Variants in LAMB3 observed in about 807,000 individuals in gnomAD.
The protein encoded by LAMB3 is laminin subunit beta 3, also known as laminin subunit beta-3.
In LAMB3, 104 loss-of-function variants were observed where a neutral mutation model predicts 140.3. The ratio of observed to expected loss-of-function variants is 0.74; its 90% CI spans 0.63 to 0.87. The LOEUF (loss-of-function observed/expected upper bound fraction) is 0.87, where lower values mean the gene tolerates loss of function less well. LAMB3 is among the 40% of genes least tolerant of loss of function. The pLI is 0.00. For synonymous variants in LAMB3, 592 were observed against 602.9 expected (o/e 0.98, Z 0.26); for missense variants, 1,531 against 1,575.2 (o/e 0.97, Z 0.47).
At chr1:209,646,916 T>C (rs76575061) in intron 3 of LAMB3, among the ~76,000 whole-genome samples, 1 of 152,212 alleles carries the variant, frequency 6.6e-6, no homozygotes, top group African/African-American at 2.4e-5. Flanking sequence ...GACATTTTCA[T>C]CCATGCCTTG....
intron 10 of LAMB3, among the ~76,000 whole-genome samples, chr1:209,628,703 AAGAG>A (rs35325918): frequency 5.5e-5 from 8 of 146,338 alleles, no homozygotes; most frequent in Non-Finnish European, 9.0e-5. Flanking sequence ...TCCATTAAAA[AAGAG>A]AGAGAGAGAG....
intron 17 of LAMB3, 28 bp from the exon 18 acceptor site, chr1:209,622,708 G>A (rs778641606): frequency 4.3e-6 from 7 of 1,613,946 alleles, no homozygotes; most frequent in Non-Finnish European, 5.9e-6. Flanking sequence ...AGGTCAGAAG[G>A]GGTAAGGCCC....
At chr1:209,648,576 AG>A (rs1330527243) in intron 3 of LAMB3, among the ~76,000 whole-genome samples, 1 of 152,230 alleles carries the variant, frequency 6.6e-6, no homozygotes, top group Non-Finnish European at 1.5e-5. Context: ...GGAGCAGAGA[AG>A]ACAGCTGGCT....
intron 3 of LAMB3, among the ~76,000 whole-genome samples, chr1:209,643,058 G>C (rs1297218313): frequency 2.6e-5 from 4 of 152,208 alleles, no homozygotes; most frequent in Non-Finnish European, 2.9e-5. Flanking sequence ...CTCAGAGACA[G>C]GCTAAGCCAA....
chr1:209,640,937 A>C (rs2076463136), intron 3 of LAMB3, among the ~76,000 whole-genome samples: 1 of 151,250 alleles, frequency 6.6e-6, no homozygotes, highest in South Asian at 2.1e-4. Context: ...AAAAAAATTA[A>C]CTGGGCATGG....
chr1:209,616,317 C>T (rs1665960072), intron 22 of LAMB3, among the ~76,000 whole-genome samples, 154 bp downstream of exon 22: 1 of 152,186 alleles, frequency 6.6e-6, no homozygotes, highest in Non-Finnish European at 1.5e-5. Context: ...CATTCCCCAG[C>T]CTCATACATG....
intron 5 of LAMB3, 76 bp downstream of exon 5, chr1:209,637,832 T>C (rs1666941243): frequency 1.7e-6 from 2 of 1,159,276 alleles, no homozygotes; most frequent in Non-Finnish European, 2.5e-6. Flanking sequence ...ACAAGGACAC[T>C]GTGCTCCTCC....
intron 21 of LAMB3, 87 bp downstream of exon 21, chr1:209,617,323 T>C (rs773578520): frequency 4.6e-5 from 64 of 1,398,670 alleles, no homozygotes; most frequent in Non-Finnish European, 5.9e-5. Context: ...TTTGAGTTTG[T>C]GGTCTTATAA....
Position 209,616,354 on chromosome 1 carries a change from G to T in LAMB3, c.3382+117C>A. The stretch of plus-strand genomic sequence containing the variant: ...TAGATGCCCAGAAAAAATCTCATTT[G>T]ATCTCACTCCCATAGCACGGCTAGC... On this transcript the variant is annotated intron_variant, in intron 22 of 22. Coordinates refer to ENST00000356082, the MANE Select transcript of LAMB3 (RefSeq NM_000228.3). 4 of 1,184,476 alleles carry T rather than the reference G, an allele frequency of 3.4e-6. No homozygotes were observed. In the South Asian group the frequency reaches 3.7e-5, roughly 11 times the overall value. 73.4% of individuals were successfully genotyped at this position (1,184,476 alleles called of 1,614,324 possible). A position where few individuals can be genotyped will look rare whatever the true frequency, so the allele number is the denominator to read the frequency against.
At chr1:209,642,112 G>A (rs776458997) in intron 3 of LAMB3, among the ~76,000 whole-genome samples, 4 of 152,082 alleles carry the variant, frequency 2.6e-5, no homozygotes, top group Non-Finnish European at 4.4e-5. Context: ...CCAAACGACA[G>A]GATATTATGT....
intron 3 of LAMB3, among the ~76,000 whole-genome samples, chr1:209,649,372 T>C (rs1045373838): frequency 1.3e-5 from 2 of 152,166 alleles, no homozygotes; most frequent in African/African-American, 4.8e-5. Flanking sequence ...CCAAAGTTCC[T>C]ATAAAAAAAG....
intron 18 of LAMB3, 66 bp from the exon 19 acceptor site, chr1:209,618,725 T>A (rs1013566687): frequency 3.4e-6 from 5 of 1,485,114 alleles, no homozygotes; most frequent in Non-Finnish European, 4.6e-6. Flanking sequence ...AGGCCTCTCC[T>A]AGCTGAGCAG....
At chr1:209,651,003 T>G in intron 1 of LAMB3, 22 bp from the exon 2 acceptor site, 1 of 1,519,704 alleles carries the variant, frequency 6.6e-7, no homozygotes, top group Non-Finnish European at 9.1e-7. Flanking sequence ...CAAAGCAAAC[T>G]GGGTACAACA....
chr1:209,650,011 T>C lies in LAMB3; in HGVS notation c.136A>G (p.Thr46Ala). Reference sequence around the variant, plus strand: ...GTCTCAGGCTTGGTCAGTCCACAGGTAGATGAAGCTCGGAGAAACCGGGTC... The same window carrying C: ...GTCTCAGGCTTGGTCAGTCCACAGGCAGATGAAGCTCGGAGAAACCGGGTC... ...GRTRFLRASS[T>A]CGLTKPETYC... The change falls in exon 3 of 23, where the codon ACC becomes GCC. Residue 46 changes from threonine (T) to alanine (A), a missense_variant. Transcript: ENST00000356082. 2.5e-6 allele frequency: 4 copies of C among 1,614,088 alleles called. No homozygotes were observed. Among genetic ancestry groups the C allele is most frequent in the Non-Finnish European group, 3.4e-6 (4 of 1,180,006 alleles).
rs1223614153 is a variant in LAMB3 at position 209,638,528 on chromosome 1, G to C, written c.298+6C>G. 1.9e-6 allele frequency: 3 copies of C among 1,571,270 alleles called. No homozygotes were observed. The highest frequency in any genetic ancestry group is 2.6e-6 in the Non-Finnish European group (3 of 1,140,418). ...GTTTGAGTTCCCGTAGATGGCAAAT[G>C]CTCACCATTCTGTGACTGCCACCAG... On this transcript the variant is annotated splice_donor_region_variant and intron_variant, in intron 4 of 22. Coordinates refer to ENST00000356082, the MANE Select transcript of LAMB3 (RefSeq NM_000228.3).
At chr1:209,620,777 T>C (rs192130491) in intron 18 of LAMB3, among the ~76,000 whole-genome samples, 2 of 152,346 alleles carry the variant, frequency 1.3e-5, no homozygotes, top group Admixed American at 1.3e-4. Flanking sequence ...CTGGACTCAG[T>C]TAGAACTTAA....
In LAMB3 at chr1:209,630,597, G is replaced by T. The variant is rs7550377; in HGVS notation, c.943+18C>A. The T allele has an allele frequency of 4.8e-3, 7,731 of 1,614,120 alleles. 317 individuals are homozygous for T. In the African/African-American group the frequency reaches 0.087, roughly 18 times the overall value. On this transcript the variant is annotated intron_variant, in intron 9 of 22. Transcript: ENST00000356082. ...TCGACCCAGACCCTACAGGGGAGGG[G>T]TGATCCAAAGCTCCTACTTTGGCAT... is the stretch of plus-strand genomic sequence containing the variant.
rs11555726 is a variant in LAMB3 at position 209,623,577 on chromosome 1, G to C, written c.2286C>G (p.Thr762=). The C allele has an allele frequency of 6.2e-7, 1 of 1,614,164 alleles. No individual in the cohort carries two copies. The highest frequency in any genetic ancestry group is 1.7e-5 in the Admixed American group (1 of 60,020). The change falls in exon 16 of 23, where the codon ACC becomes ACG. Residue 762 remains threonine, a synonymous_variant. Transcript: ENST00000356082. This position sits in a 1 kb window ranked among gnomAD's most constrained non-coding sequence, Gnocchi z 4.2. ...TCAGGGCCACAAGCTTGGGGCTGCC[G>C]GTGCCTCCTCCTCCTCCCGCCTGCC... ...LVRQAGGGGG[T]GSPKLVALRL... is the part of the protein sequence containing the mutation.
intron 3 of LAMB3, among the ~76,000 whole-genome samples, chr1:209,639,795 C>T (rs2076449996): frequency 6.6e-6 from 1 of 152,052 alleles, no homozygotes; most frequent in Non-Finnish European, 1.5e-5. Flanking sequence ...GTCCAGAGGG[C>T]TCCAGATTTA....
Sources: gnomAD v4.1 joint callset for allele counts (sites outside exome capture counted in the v4.1 genomes callset) on GRCh38, gnomAD v4.1.1 for gene constraint, Gnocchi (gnomAD v3.1) non-coding constraint, MANE v1.5 for transcripts, NCBI Gene and HGNC (gene_info 2026-07-23, HGNC 2026-07-21) for gene names.